The following ZDHHC17 variants were observed in gnomAD, a reference collection of about 807,000 sequenced individuals.
ZDHHC17 encodes zDHHC palmitoyltransferase 17.
In ZDHHC17, 40 loss-of-function variants were observed where a neutral mutation model predicts 90.3. The observed-to-expected ratio is 0.44, with a 90% CI of 0.34 to 0.58. ZDHHC17 has a LOEUF of 0.58. Ranked by LOEUF, ZDHHC17 falls within the 20% of genes least tolerant of loss-of-function variation. The pLI is 0.01. For missense variants in ZDHHC17, 614 were observed against 780.8 expected, an observed-to-expected ratio of 0.79 and a Z score of 2.55; for synonymous variants, 235 against 252.4, an observed-to-expected ratio of 0.93 and a Z score of 0.65.
Position 76,842,061 on chromosome 12 carries a change from A to G in ZDHHC17, c.1221A>G (p.Lys407=). The G allele has an allele frequency of 6.2e-7, 1 of 1,602,554 alleles. No individual in the cohort carries two copies. The highest frequency in any genetic ancestry group is 1.3e-5 in the African/African-American group (1 of 74,364). The change falls in exon 11 of 17, where the codon AAA becomes AAG. Residue 407 remains lysine (K), a synonymous_variant. Transcript: ENST00000426126. ...ALFYNFGKSW[K]SDPGIIKATE... ...TCTACAATTTTGGAAAATCTTGGAA[A>G]TCAGATCCAGGGATTATTAAAGCAA...
intron 1 of ZDHHC17, among the ~76,000 whole-genome samples, chr12:76,786,525 G>C (rs1230731940): frequency 1.3e-5 from 2 of 152,060 alleles, no homozygotes; most frequent in Non-Finnish European, 2.9e-5. Context: ...CAAAGTGCTG[G>C]GATTACAGGC....
chr12:76,764,120 G>T lies in ZDHHC17; in HGVS notation c.-117G>T. 2 of 772,876 alleles carry T rather than the reference G, an allele frequency of 2.6e-6. No individual in the cohort carries two copies. The highest frequency in any genetic ancestry group is 2.0e-6 in the Non-Finnish European group (1 of 493,130). 47.9% of individuals were successfully genotyped at this position (772,876 alleles called of 1,614,324 possible). On this transcript the variant is annotated 5_prime_UTR_variant, in exon 1 of 17. Transcript: ENST00000426126. Reference sequence around the variant, plus strand: ...GGGGAGGGGACAGAGGGGGCGTCACGGGGGCAGGAGAAGAAGGAGGAGGAG... The same window carrying T: ...GGGGAGGGGACAGAGGGGGCGTCACTGGGGCAGGAGAAGAAGGAGGAGGAG...
intron 1 of ZDHHC17, among the ~76,000 whole-genome samples, chr12:76,765,234 A>G (rs1048189299): frequency 6.6e-6 from 1 of 152,234 alleles, no homozygotes; most frequent in Non-Finnish European, 1.5e-5. Context: ...AGGATGAACA[A>G]ACATGGAAGT....
chr12:76,829,470 AAAAAAAAAAAAAAAG>A (rs1194526853), intron 10 of ZDHHC17, among the ~76,000 whole-genome samples: 2 of 149,416 alleles, frequency 1.3e-5, no homozygotes, highest in African/African-American at 4.9e-5. Flanking sequence ...AAAAAAAAAA[AAAAAAAAAAAAAAAG>A]AACTACCATT....
chr12:76,831,061 A>G (rs1953294157), intron 10 of ZDHHC17, among the ~76,000 whole-genome samples: 1 of 152,208 alleles, frequency 6.6e-6, no homozygotes, highest in Admixed American at 6.5e-5. Flanking sequence ...CATTTTGTAA[A>G]TACATTGAAT....
intron 13 of ZDHHC17, chr12:76,846,237 A>G (rs1953493606): frequency 4.0e-6 from 1 of 251,996 alleles, no homozygotes; most frequent in African/African-American, 2.3e-5. Context: ...GAAACATTAC[A>G]AAGATTGTTT....
At chr12:76,816,241 C>CT (rs1269536285) in intron 7 of ZDHHC17, among the ~76,000 whole-genome samples, 1 of 151,714 alleles carries the variant, frequency 6.6e-6, no homozygotes, top group African/African-American at 2.4e-5. Flanking sequence ...TGATAAATGC[C>CT]TTTATGGTGT....
intron 1 of ZDHHC17, among the ~76,000 whole-genome samples, chr12:76,776,053 A>C (rs959839459): frequency 1.3e-5 from 2 of 151,776 alleles, no homozygotes; most frequent in African/African-American, 4.8e-5. Flanking sequence ...TTTTTTCCTT[A>C]TTTGTGTCCT....
At chr12:76,828,828 CA>C (rs1953261922) in intron 10 of ZDHHC17, among the ~76,000 whole-genome samples, 1 of 151,774 alleles carries the variant, frequency 6.6e-6, no homozygotes, top group South Asian at 2.1e-4. Context: ...TTTATAGATT[CA>C]GGGGTTACAT....
At chr12:76,773,110 G>A (rs180984864) in intron 1 of ZDHHC17, among the ~76,000 whole-genome samples, 94 of 152,230 alleles carry the variant, frequency 6.2e-4, no homozygotes, top group Non-Finnish European at 1.1e-3. Flanking sequence ...TGTCTGCCTC[G>A]ACGTCTCAAA....
intron 8 of ZDHHC17, among the ~76,000 whole-genome samples, chr12:76,825,874 C>T (rs909806720): frequency 1.3e-5 from 2 of 152,050 alleles, no homozygotes; most frequent in Non-Finnish European, 2.9e-5. Context: ...TTTTGTTGCC[C>T]AGGCTCACGA....
At chr12:76,830,375 A>G (rs1953285371) in intron 10 of ZDHHC17, among the ~76,000 whole-genome samples, 1 of 152,204 alleles carries the variant, frequency 6.6e-6, no homozygotes, top group Non-Finnish European at 1.5e-5. Context: ...ACAGAATTGT[A>G]ACTACACTTT....
chr12:76,790,654 G>T (rs1952750020), intron 1 of ZDHHC17, among the ~76,000 whole-genome samples: 2 of 152,158 alleles, frequency 1.3e-5, no homozygotes, highest in African/African-American at 2.4e-5. Flanking sequence ...AGGGAGCTAA[G>T]GTTGATGAAT....
Position 76,853,610 on chromosome 12 carries a change from TAA to T in ZDHHC17, c.*2627_*2628del, listed in dbSNP as rs1953589649. On this transcript the variant is annotated 3_prime_UTR_variant, in exon 17 of 17. Transcript: ENST00000426126. ...GTTATTCTGTGGAAAGAAAAACCTGTAAAGTGTTTAATAAATTAGCCCTCCTT... is the reference window on the plus strand; with the variant it reads ...GTTATTCTGTGGAAAGAAAAACCTGTAGTGTTTAATAAATTAGCCCTCCTT... 6.6e-6 allele frequency: 1 copy of T among 152,532 alleles called. No individual in the cohort carries two copies. The highest frequency in any genetic ancestry group is 6.5e-5 in the Admixed American group (1 of 15,278). 9.4% of individuals were successfully genotyped at this position (152,532 alleles called of 1,614,324 possible).
chr12:76,787,253 T>C (rs1380034873), intron 1 of ZDHHC17, among the ~76,000 whole-genome samples: 1 of 152,146 alleles, frequency 6.6e-6, no homozygotes, highest in Non-Finnish European at 1.5e-5. Flanking sequence ...TTTCATAATA[T>C]TATCATCAAC....
intron 1 of ZDHHC17, among the ~76,000 whole-genome samples, chr12:76,786,798 T>C (rs1023049267): frequency 1.3e-5 from 2 of 152,168 alleles, no homozygotes; most frequent in Non-Finnish European, 2.9e-5. Flanking sequence ...AAAAAATCTT[T>C]AGATGATCTT....
rs138414691 is a variant in ZDHHC17 at position 76,807,205 on chromosome 12, G to A, written c.320+1766G>A. On this transcript the variant is annotated intron_variant, in intron 3 of 16. Coordinates refer to ENST00000426126, the MANE Select transcript of ZDHHC17 (RefSeq NM_015336.4). ...TAACATTATGGTGTACAAAGAAAGC[G>A]TTCGAGCACTGTCAGCTGCGTGATT... is the stretch of plus-strand genomic sequence containing the variant. Among the ~76,000 whole-genome samples the A allele has an allele frequency of 3.3e-3, 503 of 152,274 alleles. 2 individuals are homozygous for A. Among genetic ancestry groups the A allele is most frequent in the Non-Finnish European group, 5.0e-3 (339 of 68,016 alleles).
At chr12:76,781,511 T>A (rs979575212) in intron 1 of ZDHHC17, 16 of 423,222 alleles carry the variant, frequency 3.8e-5, no homozygotes, top group African/African-American at 2.8e-4. Flanking sequence ...AATGTCCTTA[T>A]CAAGAGAGTG....
At chr12:76,786,034 A>G (rs1277466751) in intron 1 of ZDHHC17, among the ~76,000 whole-genome samples, 3 of 152,220 alleles carry the variant, frequency 2.0e-5, no homozygotes, top group East Asian at 3.8e-4. Context: ...TTTTGAGAAA[A>G]GAAGCATTGC....
Sources: gnomAD v4.1 joint callset for allele counts (sites outside exome capture counted in the v4.1 genomes callset) on GRCh38, gnomAD v4.1.1 for gene constraint, MANE v1.5 for transcripts, NCBI Gene and HGNC (gene_info 2026-07-23, HGNC 2026-07-21) for gene names.